SHISA9: variants seen among roughly 807,000 people sequenced by gnomAD.
SHISA9 encodes the protein shisa family member 9.
Under a neutral mutation model 38.0 loss-of-function variants are expected in SHISA9, and 13 were observed. That is an observed-to-expected ratio of 0.34 (90% CI 0.22 to 0.54). The LOEUF is 0.54. Ranked by LOEUF, SHISA9 falls within the 20% of genes least tolerant of loss-of-function variation. The pLI is 0.91. For synonymous variants in SHISA9, 275 were observed against 242.0 expected (o/e 1.14, Z -1.27); for missense variants, 538 against 575.8 (o/e 0.93, Z 0.67).
At position 13,207,556 on chromosome 16, in the gene SHISA9, C is replaced by G. The variant is rs537337267; in HGVS notation, c.847+4007C>G. 3.9e-4 allele frequency among the ~76,000 whole-genome samples: 59 copies of G among 151,966 alleles called. 1 individual carries two copies. In the South Asian group the frequency reaches 0.012, roughly 30 times the overall value. On this transcript the variant is annotated intron_variant, in intron 3 of 4. Transcript: ENST00000558583. ...AAGCATCCCACGTGGGACACCTTCC[C>G]CAGTCCTAGATGGGGTTGATGTACC...
chr16:13,388,241 G>A, the SHISA9 span, among the ~76,000 whole-genome samples: 1 of 151,848 alleles, frequency 6.6e-6, no homozygotes, highest in African/African-American at 2.4e-5. Context: ...GAATGGGAAT[G>A]ATTTTCATGC....
At chr16:13,374,394 C>A in the SHISA9 span, among the ~76,000 whole-genome samples, 1 of 152,160 alleles carries the variant, frequency 6.6e-6, no homozygotes, top group African/African-American at 2.4e-5. Context: ...CAATTCCCAC[C>A]TATGAGTGAG....
chr16:13,330,936 A>T, the SHISA9 span, among the ~76,000 whole-genome samples: 2 of 152,150 alleles, frequency 1.3e-5, no homozygotes, highest in African/African-American at 4.8e-5. Flanking sequence ...CCCTGGCCTC[A>T]TCCCTCTAAA....
At chr16:12,998,228 G>A (rs1010834709) in intron 2 of SHISA9, among the ~76,000 whole-genome samples, 1 of 152,192 alleles carries the variant, frequency 6.6e-6, no homozygotes, top group Admixed American at 6.5e-5. Context: ...TTACTTCATA[G>A]AGCCTGGAAG....
intron 2 of SHISA9, among the ~76,000 whole-genome samples, chr16:13,069,630 G>A (rs1456949265): frequency 1.3e-5 from 2 of 151,984 alleles, no homozygotes; most frequent in Non-Finnish European, 1.5e-5. Context: ...GTGTGTGTCT[G>A]TGTACATAAA....
chr16:13,025,654 A>G (rs1385775844), intron 2 of SHISA9, among the ~76,000 whole-genome samples: 1 of 152,208 alleles, frequency 6.6e-6, no homozygotes, highest in Non-Finnish European at 1.5e-5. Flanking sequence ...AGTAGAACAT[A>G]ATAGTTGAGT....
At chr16:13,216,205 AAGAG>A (rs1225353981) in intron 4 of SHISA9, among the ~76,000 whole-genome samples, 4 of 50,704 alleles carry the variant, frequency 7.9e-5, no homozygotes, top group Non-Finnish European at 1.4e-4. Flanking sequence ...AAAAAAAAAA[AAGAG>A]AGAGACAATT....
the SHISA9 span, among the ~76,000 whole-genome samples, chr16:13,316,995 T>G: frequency 6.6e-6 from 1 of 152,222 alleles, no homozygotes; most frequent in Non-Finnish European, 1.5e-5. Context: ...CTTCTCTCCC[T>G]TTCCTCAGCT....
At chr16:13,256,880 C>T in the SHISA9 span, among the ~76,000 whole-genome samples, 5 of 152,250 alleles carry the variant, frequency 3.3e-5, no homozygotes, top group East Asian at 9.7e-4. Context: ...GTCTTAGACC[C>T]CTTTAAGCAG....
At chr16:13,197,207 G>T (rs1211182899) in intron 2 of SHISA9, among the ~76,000 whole-genome samples, 1 of 151,744 alleles carries the variant, frequency 6.6e-6, no homozygotes, top group Admixed American at 6.6e-5. Context: ...TTTTCCTACT[G>T]TCTGGAACAC....
chr16:13,274,278 C>G, the SHISA9 span, among the ~76,000 whole-genome samples: 1 of 152,136 alleles, frequency 6.6e-6, no homozygotes, highest in Admixed American at 6.6e-5. Flanking sequence ...CTCTCAGTCT[C>G]CTTACATGAA....
At chr16:13,359,447 C>T in the SHISA9 span, among the ~76,000 whole-genome samples, 2 of 152,186 alleles carry the variant, frequency 1.3e-5, no homozygotes, top group African/African-American at 4.8e-5. Context: ...CATGCCATGG[C>T]ATTCCTGCCT....
At chr16:13,274,061 T>A in the SHISA9 span, among the ~76,000 whole-genome samples, 1 of 152,146 alleles carries the variant, frequency 6.6e-6, no homozygotes, top group Non-Finnish European at 1.5e-5. Context: ...TCTCACTTAG[T>A]CAAAAGTAAG....
the SHISA9 span, among the ~76,000 whole-genome samples, chr16:13,285,874 C>T: frequency 3.9e-5 from 6 of 152,212 alleles, no homozygotes; most frequent in East Asian, 1.2e-3. Flanking sequence ...ATCTTTCCAA[C>T]TCTGTCAGGG....
At chr16:13,208,932 G>T (rs1390135951) in intron 3 of SHISA9, among the ~76,000 whole-genome samples, 1 of 152,172 alleles carries the variant, frequency 6.6e-6, no homozygotes, top group South Asian at 2.1e-4. Context: ...TATCTAGCCT[G>T]AGAGGGGCCT....
At chr16:13,080,761 G>A (rs1258216368) in intron 2 of SHISA9, among the ~76,000 whole-genome samples, 1 of 152,218 alleles carries the variant, frequency 6.6e-6, no homozygotes, top group Non-Finnish European at 1.5e-5. Context: ...TGCTGTGGAA[G>A]AAGGTTGTTA....
In SHISA9 at chr16:13,095,589, C is replaced by T. The variant is rs532021893; in HGVS notation, c.692-107805C>T. On this transcript the variant is annotated intron_variant, in intron 2 of 4. Transcript: ENST00000558583. ...TGCCACATATGAAGGAAAAGGACTACAGTCCAGACCATCTTCATTTAACTG... is the reference window on the plus strand; with the variant it reads ...TGCCACATATGAAGGAAAAGGACTATAGTCCAGACCATCTTCATTTAACTG... Among the ~76,000 whole-genome samples, 301 of 152,338 alleles carry T rather than the reference C, an allele frequency of 2.0e-3. 3 individuals are homozygous for T. Among genetic ancestry groups the T allele is most frequent in the African/African-American group, 6.9e-3 (285 of 41,582 alleles).
chr16:13,458,405 TG>T, the SHISA9 span: 1 of 375,268 alleles, frequency 2.7e-6, no homozygotes. Flanking sequence ...GCTGTAACGA[TG>T]GGAGCAGGGT....
the SHISA9 span, among the ~76,000 whole-genome samples, chr16:13,306,604 G>A: frequency 6.6e-6 from 1 of 152,120 alleles, no homozygotes; most frequent in Admixed American, 6.5e-5. Flanking sequence ...GGCTTGACTG[G>A]GGCTGGAGGA....
Sources: allele counts gnomAD v4.1 joint callset (sites outside exome capture counted in the v4.1 genomes callset), GRCh38; gene constraint gnomAD v4.1.1; transcripts MANE v1.5; gene names NCBI Gene and HGNC (gene_info 2026-07-23, HGNC 2026-07-21).